The following GALNT13 variants were observed in gnomAD, a reference collection of about 807,000 sequenced individuals.
GALNT13 encodes UDP-GalNAc:polypeptide N-acetylgalactosaminyltransferase 13.
Under a neutral mutation model 64.2 loss-of-function variants are expected in GALNT13, and 28 were observed. The observed-to-expected ratio is 0.44, with a 90% CI of 0.32 to 0.60. GALNT13 has a LOEUF of 0.60. GALNT13 is among the 20% of genes least tolerant of loss of function. The pLI, the probability that GALNT13 is intolerant of heterozygous loss-of-function variation, is 0.05. For synonymous variants in GALNT13, 214 were observed against 224.6 expected, an observed-to-expected ratio of 0.95 and a Z score of 0.42; for missense variants, 577 against 669.8, an observed-to-expected ratio of 0.86 and a Z score of 1.53.
At chr2:154,182,201 T>C (rs1412600582) in intron 4 of GALNT13, among the ~76,000 whole-genome samples, 3 of 152,108 alleles carry the variant, frequency 2.0e-5, no homozygotes, top group African/African-American at 4.8e-5. Flanking sequence ...ACTTGAGAAA[T>C]AGAGTTTCAA....
chr2:153,534,882 G>C, the GALNT13 span, among the ~76,000 whole-genome samples: 1 of 152,108 alleles, frequency 6.6e-6, no homozygotes, highest in African/African-American at 2.4e-5. Context: ...GTTACTTCAG[G>C]CCATCTGGGT....
chr2:153,564,866 A>T, the GALNT13 span, among the ~76,000 whole-genome samples: 2 of 152,168 alleles, frequency 1.3e-5, no homozygotes, highest in Admixed American at 1.3e-4. Context: ...CTGTTTTAGC[A>T]GAATAGAGTC....
At chr2:154,347,528 A>G (rs1375942413) in intron 9 of GALNT13, among the ~76,000 whole-genome samples, 2 of 152,118 alleles carry the variant, frequency 1.3e-5, no homozygotes, top group African/African-American at 2.4e-5. Flanking sequence ...CTCCATACCA[A>G]TATGTCACCT....
chr2:154,128,025 G>A (rs1230349264), intron 3 of GALNT13, among the ~76,000 whole-genome samples: 2 of 151,828 alleles, frequency 1.3e-5, no homozygotes, highest in Non-Finnish European at 2.9e-5. Flanking sequence ...AAGTACACAC[G>A]ATATGCCCTT....
intron 2 of GALNT13, among the ~76,000 whole-genome samples, chr2:153,916,544 C>G (rs1257273616): frequency 6.6e-6 from 1 of 152,018 alleles, no homozygotes; most frequent in Non-Finnish European, 1.5e-5. Flanking sequence ...CTCAGTTCAG[C>G]AAATACTAGC....
chr2:154,115,019 CA>C (rs1475417131), intron 3 of GALNT13, among the ~76,000 whole-genome samples: 24 of 152,198 alleles, frequency 1.6e-4, no homozygotes, highest in African/African-American at 5.8e-4. Context: ...AGAGCAATTA[CA>C]GGGTTTTTTA....
At chr2:153,781,364 C>A in the GALNT13 span, among the ~76,000 whole-genome samples, 1 of 152,124 alleles carries the variant, frequency 6.6e-6, no homozygotes, top group African/African-American at 2.4e-5. Context: ...CCTCACCCTG[C>A]CATCTTGTCC....
At chr2:154,074,860 A>G (rs1219890077) in intron 3 of GALNT13, among the ~76,000 whole-genome samples, 2 of 151,872 alleles carry the variant, frequency 1.3e-5, no homozygotes, top group Non-Finnish European at 2.9e-5. Context: ...ATCACTTCAT[A>G]TTAAAAATCC....
chr2:153,217,166 T>G, the GALNT13 span, among the ~76,000 whole-genome samples: 1 of 152,080 alleles, frequency 6.6e-6, no homozygotes, highest in Non-Finnish European at 1.5e-5. Flanking sequence ...TTGATCTGTT[T>G]GTCTATTTTT....
the GALNT13 span, among the ~76,000 whole-genome samples, chr2:153,574,972 A>T: frequency 6.6e-6 from 1 of 152,076 alleles, no homozygotes; most frequent in South Asian, 2.1e-4. Context: ...CATTTATTGT[A>T]GTCTTCACTG....
the GALNT13 span, among the ~76,000 whole-genome samples, chr2:153,306,463 T>C: frequency 2.6e-4 from 39 of 152,202 alleles, no homozygotes; most frequent in Non-Finnish European, 5.0e-4. Context: ...TTTCCAGTTA[T>C]TTTTGCTAAA....
chr2:154,274,522 A>C (rs1466810289), intron 8 of GALNT13, among the ~76,000 whole-genome samples: 2 of 152,024 alleles, frequency 1.3e-5, no homozygotes, highest in African/African-American at 4.8e-5. Context: ...GAAGTAGTTT[A>C]ATCATGGGGG....
At chr2:153,637,458 T>G in the GALNT13 span, among the ~76,000 whole-genome samples, 1 of 152,182 alleles carries the variant, frequency 6.6e-6, no homozygotes, top group African/African-American at 2.4e-5. Context: ...ATTTTGTTAC[T>G]GATAAACCTC....
At chr2:153,407,955 T>C in the GALNT13 span, among the ~76,000 whole-genome samples, 528 of 152,260 alleles carry the variant, frequency 3.5e-3, 2 homozygotes, top group Non-Finnish European at 4.5e-3. Flanking sequence ...AGAGCTGGTG[T>C]CATAGCATCG....
intron 3 of GALNT13, among the ~76,000 whole-genome samples, chr2:154,044,819 A>AGAT (rs1699197608): frequency 6.6e-6 from 1 of 152,104 alleles, no homozygotes; most frequent in Non-Finnish European, 1.5e-5. Context: ...TTTTTAGAAG[A>AGAT]GATAGTGAAT....
At chr2:154,092,243 A>T (rs1017168046) in intron 3 of GALNT13, among the ~76,000 whole-genome samples, 1 of 151,952 alleles carries the variant, frequency 6.6e-6, no homozygotes, top group Non-Finnish European at 1.5e-5. Context: ...CGTTTGATAG[A>T]TCTCATGTAT....
At chr2:153,289,127 C>T in the GALNT13 span, among the ~76,000 whole-genome samples, 2 of 152,126 alleles carry the variant, frequency 1.3e-5, no homozygotes, top group East Asian at 3.9e-4. Flanking sequence ...TCTAGTTAAA[C>T]ATTGATTCTC....
At chr2:153,129,251 G>T in the GALNT13 span, among the ~76,000 whole-genome samples, 4 of 152,264 alleles carry the variant, frequency 2.6e-5, no homozygotes, top group Admixed American at 6.5e-5. Flanking sequence ...ATTTGAGGAA[G>T]AAAGACTACA....
chr2:154,420,691 C>T (rs1215011480), intron 11 of GALNT13, among the ~76,000 whole-genome samples: 1 of 152,056 alleles, frequency 6.6e-6, no homozygotes, highest in African/African-American at 2.4e-5. Flanking sequence ...TATTTTTCAT[C>T]AAGGACATAA....
Sources: allele counts gnomAD v4.1 joint callset (sites outside exome capture counted in the v4.1 genomes callset), GRCh38; gene constraint gnomAD v4.1.1; transcripts MANE v1.5; gene names NCBI Gene and HGNC (gene_info 2026-07-23, HGNC 2026-07-21).